The following SEMA3E variants were observed in gnomAD, a reference collection of about 807,000 sequenced individuals.
The protein encoded by SEMA3E is semaphorin 3E, also known as semaphorin-3E.
A neutral mutation model predicts 93.6 loss-of-function variants in SEMA3E; 49 were observed. That is an observed-to-expected ratio of 0.52 (90% CI 0.42 to 0.66). The LOEUF is 0.66. Ranked by LOEUF, SEMA3E falls within the 30% of genes least tolerant of loss-of-function variation. SEMA3E has a pLI of 0.00. For synonymous variants in SEMA3E, 363 were observed against 330.7 expected (o/e 1.10, Z -1.06); for missense variants, 906 against 964.8 (o/e 0.94, Z 0.81).
chr7:83,587,071 T>C (rs1792644155), intron 1 of SEMA3E, among the ~76,000 whole-genome samples: 1 of 152,174 alleles, frequency 6.6e-6, no homozygotes, highest in Non-Finnish European at 1.5e-5. Flanking sequence ...TTGTCTTTTA[T>C]TCCTTTCTAA....
chr7:83,392,592 A>G lies in SEMA3E; in HGVS notation c.1630T>C (p.Cys544Arg), dbSNP rs2115581814. The G allele has an allele frequency of 6.2e-7, 1 of 1,613,854 alleles. No homozygotes were observed. Among genetic ancestry groups the G allele is most frequent in the Non-Finnish European group, 8.5e-7 (1 of 1,179,856 alleles). The change falls in exon 14 of 17, where the codon TGC (cysteine) becomes CGC (arginine). Residue 544 changes from cysteine to arginine, a missense_variant. Physicochemically the swap from Cys to Arg is radical, Grantham distance 180. Transcript: ENST00000643230. ...DPYCAWDGIS[C>R]SRYYPTGTHA... The stretch of plus-strand genomic sequence containing the variant: ...GTGCCTGTTGGGTAATACCGGGAGC[A>G]GGATATGCCATCCCAGGCACAGTAA...
At position 83,363,778 on chromosome 7, in the gene SEMA3E, T is replaced by C. The variant is rs1421221304; in HGVS notation, c.*3808A>G. 2 of 151,894 alleles carry C rather than the reference T, an allele frequency of 1.3e-5. No homozygotes were observed. 9.4% of individuals were successfully genotyped at this position (151,894 alleles called of 1,614,324 possible). On this transcript the variant is annotated 3_prime_UTR_variant, in exon 17 of 17. Transcript: ENST00000643230. ...ACTTCTTATTATAAATGTTGCATTT[T>C]CTCTTGGAATCCAAATATCTATACA...
chr7:83,401,492 C>G (rs890085629), intron 10 of SEMA3E, among the ~76,000 whole-genome samples: 1 of 151,986 alleles, frequency 6.6e-6, no homozygotes, highest in Non-Finnish European at 1.5e-5. Context: ...CATAACCAGT[C>G]GCTTCCTCCA....
chr7:83,428,229 T>A (rs1788812124), intron 4 of SEMA3E, among the ~76,000 whole-genome samples: 1 of 152,194 alleles, frequency 6.6e-6, no homozygotes. Context: ...CTCAATAAAA[T>A]GAGTTTCCCA....
chr7:83,525,125 CTT>C (rs1202846557), intron 1 of SEMA3E, among the ~76,000 whole-genome samples: 2 of 152,052 alleles, frequency 1.3e-5, no homozygotes, highest in Non-Finnish European at 2.9e-5. Flanking sequence ...TTAATTGACA[CTT>C]TGTCTGAATA....
intron 1 of SEMA3E, among the ~76,000 whole-genome samples, chr7:83,582,851 T>A (rs1210742951): frequency 1.3e-5 from 2 of 151,980 alleles, no homozygotes; most frequent in Non-Finnish European, 2.9e-5. Flanking sequence ...TATGAAAACA[T>A]AAGTAATGAA....
At chr7:83,540,184 A>G (rs1429654638) in intron 1 of SEMA3E, among the ~76,000 whole-genome samples, 1 of 152,158 alleles carries the variant, frequency 6.6e-6, no homozygotes, top group Non-Finnish European at 1.5e-5. Flanking sequence ...CTCCTGGCCT[A>G]ATTTTATTTT....
intron 16 of SEMA3E, among the ~76,000 whole-genome samples, chr7:83,384,101 G>T (rs1483615490): frequency 6.6e-6 from 1 of 151,934 alleles, no homozygotes; most frequent in Non-Finnish European, 1.5e-5. Flanking sequence ...AGGTTGAGGT[G>T]ACTTTCTTTC....
intron 4 of SEMA3E, among the ~76,000 whole-genome samples, chr7:83,441,004 A>C (rs1416927284): frequency 6.6e-6 from 1 of 152,158 alleles, no homozygotes; most frequent in Non-Finnish European, 1.5e-5. Context: ...TGCAATGGTA[A>C]ACCTGGTTGT....
At chr7:83,629,219 G>A (rs1793736954) in intron 1 of SEMA3E, among the ~76,000 whole-genome samples, 1 of 152,166 alleles carries the variant, frequency 6.6e-6, no homozygotes, top group Non-Finnish European at 1.5e-5. Flanking sequence ...GCTAGCCGGA[G>A]CTCTCCCGTA....
intron 2 of SEMA3E, among the ~76,000 whole-genome samples, chr7:83,470,946 C>T (rs1479316313): frequency 6.7e-6 from 1 of 149,370 alleles, no homozygotes; most frequent in East Asian, 2.0e-4. Flanking sequence ...TATAAAAATC[C>T]TTAGCATTTT....
At position 83,385,436 on chromosome 7, in the gene SEMA3E, A is replaced by G; in HGVS notation, c.1736-3T>C. The G allele has an allele frequency of 6.2e-7, 1 of 1,613,138 alleles. No individual in the cohort carries two copies. Among genetic ancestry groups the G allele is most frequent in the Non-Finnish European group, 8.5e-7 (1 of 1,179,310 alleles). On this transcript the variant is annotated splice_region_variant and splice_polypyrimidine_tract_variant and intron_variant, in intron 15 of 16. Transcript: ENST00000643230. ...TTCAGTCTTATCCAAAGCATCCCCT[A>G]CAACAGGAACATTAATGCCATCTTT...
intron 1 of SEMA3E, among the ~76,000 whole-genome samples, chr7:83,584,626 T>C (rs935972421): frequency 5.3e-5 from 8 of 152,154 alleles, no homozygotes; most frequent in African/African-American, 1.9e-4. Context: ...AGCAAGCTGC[T>C]CTACGCCTTC....
At chr7:83,616,612 C>G (rs1434341148) in intron 1 of SEMA3E, 13 of 375,698 alleles carry the variant, frequency 3.5e-5, no homozygotes, top group Admixed American at 7.0e-5. Flanking sequence ...TTATTCTTGC[C>G]TTTTTACTTG....
chr7:83,374,553 A>C (rs879880753), intron 16 of SEMA3E, among the ~76,000 whole-genome samples: 1 of 152,200 alleles, frequency 6.6e-6, no homozygotes, highest in Admixed American at 6.5e-5. Flanking sequence ...TTAAGAATGA[A>C]TTAAGAGCAA....
chr7:83,367,969 C>A lies in SEMA3E; in HGVS notation c.1945G>T (p.Ala649Ser). 1 of 1,613,808 alleles carries A rather than the reference C, an allele frequency of 6.2e-7. No individual in the cohort carries two copies. The highest frequency in any genetic ancestry group is 1.1e-5 in the South Asian group (1 of 91,054). Residue 649 changes from alanine to serine, a missense_variant, in exon 17 of 17, where the codon GCT becomes TCT. Coordinates refer to ENST00000643230, the MANE Select transcript of SEMA3E (RefSeq NM_012431.3). ...LLFLRLHKSD[A>S]GTYFCQTVEH... ...ACTGTCTGGCAAAAATAGGTCCCAGCATCTGATTTGTGTAACCTTAGGAAG... is the reference window on the plus strand; with the variant it reads ...ACTGTCTGGCAAAAATAGGTCCCAGAATCTGATTTGTGTAACCTTAGGAAG...
chr7:83,553,824 C>A (rs538147089), intron 1 of SEMA3E, among the ~76,000 whole-genome samples: 1 of 152,124 alleles, frequency 6.6e-6, no homozygotes, highest in Non-Finnish European at 1.5e-5. Context: ...CATTGAAGAG[C>A]TATGTGTCTC....
intron 1 of SEMA3E, among the ~76,000 whole-genome samples, chr7:83,636,299 A>G (rs1793880782): frequency 1.3e-5 from 2 of 152,162 alleles, no homozygotes; most frequent in Admixed American, 1.3e-4. Context: ...CAAAAGGGGC[A>G]GAAGAGAAAT....
chr7:83,560,449 G>C (rs950875812), intron 1 of SEMA3E, among the ~76,000 whole-genome samples: 2 of 151,994 alleles, frequency 1.3e-5, no homozygotes, highest in African/African-American at 4.8e-5. Flanking sequence ...TGCTTTTCAT[G>C]ATGAAAACTG....
Sources: allele counts gnomAD v4.1 joint callset (sites outside exome capture counted in the v4.1 genomes callset), GRCh38; gene constraint gnomAD v4.1.1; transcripts MANE v1.5; gene names NCBI Gene and HGNC (gene_info 2026-07-23, HGNC 2026-07-21).